EFHD1: variants seen among roughly 807,000 people sequenced by gnomAD.
The protein encoded by EFHD1 is EF-hand domain-containing protein D1.
In EFHD1, 10 loss-of-function variants were observed where a neutral mutation model predicts 17.2. That is an observed-to-expected ratio of 0.58 (90% CI 0.36 to 0.99). The LOEUF (loss-of-function observed/expected upper bound fraction) is 0.99. Ranked by LOEUF, EFHD1 falls within the 50% of genes least tolerant of loss-of-function variation. The pLI is 0.01. For synonymous variants in EFHD1, 153 were observed against 142.0 expected (o/e 1.08, Z -0.55); for missense variants, 310 against 327.5 (o/e 0.95, Z 0.41).
At chr2:232,607,402 A>G (rs1693737603) in intron 1 of EFHD1, among the ~76,000 whole-genome samples, 1 of 151,214 alleles carries the variant, frequency 6.6e-6, no homozygotes, top group African/African-American at 2.4e-5. Flanking sequence ...AGCCTGGCCA[A>G]CATGGTGAAG....
chr2:232,623,688 A>G (rs1040249411), intron 1 of EFHD1, among the ~76,000 whole-genome samples: 1 of 69,598 alleles, frequency 1.4e-5, no homozygotes, highest in Non-Finnish European at 2.9e-5. Flanking sequence ...AAAAAAAAAA[A>G]AAAAAAGAAG....
intron 1 of EFHD1, among the ~76,000 whole-genome samples, chr2:232,618,175 G>A (rs1693960761): frequency 6.6e-6 from 1 of 151,196 alleles, no homozygotes; most frequent in Admixed American, 6.6e-5. Flanking sequence ...GCACACCACC[G>A]TGCCCGGATA....
intron 1 of EFHD1, among the ~76,000 whole-genome samples, chr2:232,662,303 G>A (rs960924455): frequency 5.9e-5 from 9 of 152,072 alleles, no homozygotes; most frequent in Non-Finnish European, 1.2e-4. Context: ...ACACAGGGGT[G>A]GGAAGCAACT....
intron 1 of EFHD1, among the ~76,000 whole-genome samples, chr2:232,634,452 C>T (rs760837504): frequency 1.3e-5 from 2 of 152,252 alleles, no homozygotes; most frequent in Non-Finnish European, 2.9e-5. Flanking sequence ...GAAAGTTAAT[C>T]CTTGGCTGCA....
At chr2:232,643,272 G>A (rs1048358321) in intron 1 of EFHD1, among the ~76,000 whole-genome samples, 1 of 152,144 alleles carries the variant, frequency 6.6e-6, no homozygotes, top group African/African-American at 2.4e-5. Flanking sequence ...CCCATCACCA[G>A]CCCATCCGGG....
chr2:232,625,386 G>A (rs1349021799), intron 1 of EFHD1, among the ~76,000 whole-genome samples: 2 of 150,946 alleles, frequency 1.3e-5, no homozygotes, highest in Non-Finnish European at 2.9e-5. Flanking sequence ...ACAATCCTCC[G>A]ACATTGGCCT....
At chr2:232,647,199 G>C (rs1694547525) in intron 1 of EFHD1, among the ~76,000 whole-genome samples, 1 of 152,266 alleles carries the variant, frequency 6.6e-6, no homozygotes, top group Admixed American at 6.5e-5. Context: ...TTTCCACTGA[G>C]GGCTGCTGGG....
upstream of EFHD1, among the ~76,000 whole-genome samples, chr2:232,632,824 C>G (rs1049542438): frequency 6.6e-6 from 1 of 152,180 alleles, no homozygotes; most frequent in East Asian, 1.9e-4. Context: ...GACAGTCTAA[C>G]TATGTTGCCC....
At chr2:232,613,048 T>A (rs1031974981) in intron 1 of EFHD1, among the ~76,000 whole-genome samples, 3 of 151,874 alleles carry the variant, frequency 2.0e-5, no homozygotes, top group African/African-American at 7.3e-5. Context: ...CTTTAAAAAA[T>A]TGAAATGTAA....
chr2:232,614,659 T>TA (rs1693889770), intron 1 of EFHD1, among the ~76,000 whole-genome samples: 1 of 152,310 alleles, frequency 6.6e-6, no homozygotes, highest in South Asian at 2.1e-4. Flanking sequence ...AGTGGTCTTT[T>TA]AAAATGTTTT....
At chr2:232,619,049 C>T (rs10197060) in intron 1 of EFHD1, among the ~76,000 whole-genome samples, 106,338 of 151,470 alleles carry the variant, frequency 0.7, 37,495 homozygotes, top group East Asian at 0.84. Context: ...CTCCGGAGGC[C>T]GAGGCAGGAG....
intron 1 of EFHD1, among the ~76,000 whole-genome samples, chr2:232,613,621 C>CAT (rs879768607): frequency 0.1 from 14,293 of 139,200 alleles, 863 homozygotes; most frequent in African/African-American, 0.19. Flanking sequence ...CACACACACA[C>CAT]ACACACACAC....
intron 1 of EFHD1, among the ~76,000 whole-genome samples, chr2:232,637,015 C>T (rs527558920): frequency 1.3e-5 from 2 of 152,166 alleles, no homozygotes; most frequent in East Asian, 3.9e-4. Context: ...GGAAGGAACT[C>T]GTTAGCTCCT....
At chr2:232,658,553 A>G (rs997836516) in intron 1 of EFHD1, among the ~76,000 whole-genome samples, 2 of 152,176 alleles carry the variant, frequency 1.3e-5, no homozygotes, top group Non-Finnish European at 2.9e-5. Context: ...ATGTCCAAAC[A>G]CTTGTATATG....
At chr2:232,655,317 C>A (rs1382624513) in intron 1 of EFHD1, among the ~76,000 whole-genome samples, 1 of 152,146 alleles carries the variant, frequency 6.6e-6, no homozygotes, top group Non-Finnish European at 1.5e-5. Flanking sequence ...ACTGTACCTG[C>A]CCTTAGTGGT....
intron 1 of EFHD1, among the ~76,000 whole-genome samples, chr2:232,619,224 T>C (rs551788885): frequency 1.7e-5 from 2 of 116,884 alleles, no homozygotes; most frequent in African/African-American, 5.7e-5. Context: ...TTAACCAGAA[T>C]GGGCAAAATG....
intron 1 of EFHD1, among the ~76,000 whole-genome samples, chr2:232,613,767 T>C (rs1013841183): frequency 2.9e-4 from 40 of 137,646 alleles, no homozygotes; most frequent in African/African-American, 7.5e-4. Flanking sequence ...CGCACACACA[T>C]ACACACACAA....
In EFHD1 at chr2:232,672,363, C is replaced by G; in HGVS notation, c.505C>G (p.Leu169Val). Reference protein sequence around the residue: ...AAGELQEDSGLMALAKLSEID... With the variant: ...AAGELQEDSGVMALAKLSEID... The stretch of plus-strand genomic sequence containing the variant: ...AGGGGAGCTGCAGGAGGACAGTGGG[C>G]TGATGGCGCTGGCAAAGCTTTCTGA... The change falls in exon 3 of 4, where the codon CTG (leucine) becomes GTG (valine). Residue 169 changes from leucine to valine, a missense_variant. Coordinates refer to ENST00000264059, the MANE Select transcript of EFHD1 (RefSeq NM_025202.4). The G allele has an allele frequency of 6.2e-7, 1 of 1,614,146 alleles. No individual in the cohort carries two copies. The highest frequency in any genetic ancestry group is 8.5e-7 in the Non-Finnish European group (1 of 1,180,016).
At chr2:232,613,190 G>A (rs1559335447) in intron 1 of EFHD1, among the ~76,000 whole-genome samples, 1 of 151,980 alleles carries the variant, frequency 6.6e-6, no homozygotes, top group Admixed American at 6.6e-5. Context: ...TTGGGAGGCC[G>A]ACGTGGGTGG....
Sources: gnomAD v4.1 joint callset for allele counts (sites outside exome capture counted in the v4.1 genomes callset) on GRCh38, gnomAD v4.1.1 for gene constraint, MANE v1.5 for transcripts, NCBI Gene and HGNC (gene_info 2026-07-23, HGNC 2026-07-21) for gene names.